Variants in TMIGD3 observed in about 807,000 individuals in gnomAD.
TMIGD3 encodes the protein AD026 protein (AD026).
TMIGD3 carries 21 observed loss-of-function variants against 28.1 expected under a neutral mutation model. That is an observed-to-expected ratio of 0.75 (90% CI 0.53 to 1.08). The LOEUF is 1.08. Ranked by LOEUF, TMIGD3 falls within the 50% of genes least tolerant of loss-of-function variation. The pLI is 0.00. For missense variants in TMIGD3, 416 were observed against 435.6 expected (o/e 0.96, Z 0.40); for synonymous variants, 151 against 162.1 (o/e 0.93, Z 0.52).
chr1:111,554,010 G>C (rs1470909492), intron 1 of TMIGD3, among the ~76,000 whole-genome samples: 1 of 152,266 alleles, frequency 6.6e-6, no homozygotes, highest in Non-Finnish European at 1.5e-5. Context: ...GCACAAAGCA[G>C]AAATGGAATG....
intron 5 of TMIGD3, 112 bp downstream of exon 5, chr1:111,485,628 G>T: frequency 1.2e-6 from 1 of 822,792 alleles, no homozygotes; most frequent in East Asian, 2.7e-5. Flanking sequence ...TTGGTCTCCA[G>T]GTGACCAGGC....
At chr1:111,488,289 C>G (rs1323061820) in intron 3 of TMIGD3, among the ~76,000 whole-genome samples, 10 of 151,872 alleles carry the variant, frequency 6.6e-5, no homozygotes, top group Non-Finnish European at 4.4e-5. Flanking sequence ...GTGGCGCAAT[C>G]TCGGCTCACT....
intron 1 of TMIGD3, chr1:111,500,690 G>A: frequency 1.1e-6 from 1 of 895,848 alleles, no homozygotes; most frequent in Non-Finnish European, 1.7e-6. Context: ...TCTGCTAAGA[G>A]AGGGCAGCAT....
At chr1:111,487,950 A>G (rs1251317075) in intron 3 of TMIGD3, among the ~76,000 whole-genome samples, 1 of 151,868 alleles carries the variant, frequency 6.6e-6, no homozygotes, top group East Asian at 1.9e-4. Flanking sequence ...GACTACAGGC[A>G]GGCACCACCA....
intron 1 of TMIGD3, among the ~76,000 whole-genome samples, chr1:111,524,028 CTTTTTTTTTTT>C (rs35046603): frequency 9.2e-6 from 1 of 108,790 alleles, no homozygotes; most frequent in African/African-American, 3.4e-5. Flanking sequence ...TCTTTCTTTT[CTTTTTTTTTTT>C]TTTTTTTTGG....
intron 1 of TMIGD3, among the ~76,000 whole-genome samples, chr1:111,539,779 C>T (rs1424443812): frequency 6.6e-6 from 1 of 152,110 alleles, no homozygotes; most frequent in African/African-American, 2.4e-5. Flanking sequence ...CTTATTCCAG[C>T]CATAGAAAGG....
chr1:111,536,168 T>C (rs1237565084), intron 1 of TMIGD3, among the ~76,000 whole-genome samples: 2 of 152,146 alleles, frequency 1.3e-5, no homozygotes, highest in Admixed American at 6.5e-5. Flanking sequence ...CCTCATACAT[T>C]CGTTTTCTCT....
chr1:111,493,106 A>G (rs1654742235), intron 1 of TMIGD3, among the ~76,000 whole-genome samples: 1 of 152,186 alleles, frequency 6.6e-6, no homozygotes, highest in East Asian at 1.9e-4. Flanking sequence ...GCACAAATGA[A>G]ATAAGATTGG....
chr1:111,554,949 G>C (rs1571462907), intron 1 of TMIGD3, among the ~76,000 whole-genome samples: 1 of 152,046 alleles, frequency 6.6e-6, no homozygotes, highest in Non-Finnish European at 1.5e-5. Flanking sequence ...TAAGGAAAAA[G>C]TGACCTACCG....
chr1:111,529,849 T>C (rs1376462195), intron 1 of TMIGD3, among the ~76,000 whole-genome samples: 2 of 152,112 alleles, frequency 1.3e-5, no homozygotes, highest in African/African-American at 2.4e-5. Flanking sequence ...AAAACCGCCA[T>C]TGTCATCATG....
At chr1:111,530,250 C>T (rs1656415708) in intron 1 of TMIGD3, among the ~76,000 whole-genome samples, 2 of 152,052 alleles carry the variant, frequency 1.3e-5, no homozygotes, top group Admixed American at 1.3e-4. Context: ...ACAATATATC[C>T]ATTTTCCCTT....
chr1:111,511,097 G>A (rs1052926124), intron 1 of TMIGD3, among the ~76,000 whole-genome samples: 2 of 152,170 alleles, frequency 1.3e-5, no homozygotes, highest in African/African-American at 4.8e-5. Context: ...ACAAAGTACT[G>A]AAGTTACTGT....
intron 1 of TMIGD3, among the ~76,000 whole-genome samples, chr1:111,546,861 T>A (rs148286283): frequency 1.3e-3 from 204 of 152,336 alleles, no homozygotes; most frequent in African/African-American, 4.6e-3. Context: ...GTTTTCACAG[T>A]GGCTGCACCA....
intron 1 of TMIGD3, among the ~76,000 whole-genome samples, chr1:111,529,355 A>T (rs1656371857): frequency 6.7e-6 from 1 of 149,070 alleles, no homozygotes; most frequent in Admixed American, 6.9e-5. Context: ...CCATGGATAC[A>T]ATTTCTTTCT....
chr1:111,549,377 G>A lies in TMIGD3; in HGVS notation c.107+14469C>T, dbSNP rs371074371. On this transcript the variant is annotated intron_variant, in intron 1 of 5. Coordinates refer to the TMIGD3 transcript ENST00000369717. ...TTTAAAACATGGTCGGGCTGGGCAC[G>A]GTGGCTCACGCTTGTAATCCCAGCA... Among the ~76,000 whole-genome samples, 24 of 148,802 alleles carry A rather than the reference G, an allele frequency of 1.6e-4. No homozygotes were observed. In the East Asian group the frequency reaches 3.7e-3, roughly 23 times the overall value.
intron 2 of TMIGD3, 70 bp from the exon 3 acceptor site, chr1:111,489,094 T>C: frequency 7.2e-7 from 1 of 1,387,624 alleles, no homozygotes; most frequent in Non-Finnish European, 9.9e-7. Context: ...ACATTGCAGC[T>C]CCTGCCCTCC....
In TMIGD3 at chr1:111,483,730, C is replaced by G. The variant is rs748914059; in HGVS notation, c.1001G>C (p.Arg334Pro). Residue 334 changes from arginine to proline, a missense_variant, in exon 6 of 6, where the codon CGT becomes CCT. Coordinates refer to ENST00000369716, the MANE Select transcript of TMIGD3 (RefSeq NM_020683.7). ...RVGNTLKPFS[R>P]VLTPKEMAPT... is the part of the protein sequence containing the mutation. ...AGCCATTTCCTTTGGAGTCAGGACACGCGAGAAGGGCTTCAAAGTGTTGCC... is the reference window on the plus strand; with the variant it reads ...AGCCATTTCCTTTGGAGTCAGGACAGGCGAGAAGGGCTTCAAAGTGTTGCC... 9 of 1,613,860 alleles carry G rather than the reference C, an allele frequency of 5.6e-6. No homozygotes were observed. The African/African-American group carries it at 1.2e-4, about 22-fold the overall frequency.
intron 1 of TMIGD3, among the ~76,000 whole-genome samples, chr1:111,525,708 C>T (rs991962912): frequency 3.9e-5 from 6 of 151,978 alleles, no homozygotes; most frequent in African/African-American, 1.4e-4. Context: ...ACTAAAAATA[C>T]AAAAAATTAG....
At position 111,514,643 on chromosome 1, in the gene TMIGD3, A is replaced by AACACACACACACAC. The variant is rs113195244; in HGVS notation, c.108-23895_108-23882dup. 8.5e-3 allele frequency among the ~76,000 whole-genome samples: 1,259 copies of AACACACACACACAC among 148,990 alleles called. 20 individuals carry two copies. Among genetic ancestry groups the AACACACACACACAC allele is most frequent in the African/African-American group, 0.029 (1,194 of 40,560 alleles). ...TATATGAGTGTGCATACAGTATGGG[A>AACACACACACACAC]ACACACACACACACACACACACACA... On this transcript the variant is annotated intron_variant, in intron 1 of 5. Transcript: ENST00000369717.
Sources: gnomAD v4.1 joint callset for allele counts (sites outside exome capture counted in the v4.1 genomes callset) on GRCh38, gnomAD v4.1.1 for gene constraint, MANE v1.5 for transcripts, NCBI Gene and HGNC (gene_info 2026-07-23, HGNC 2026-07-21) for gene names.